TAOK3: variants seen among roughly 807,000 people sequenced by gnomAD.
TAOK3 encodes the protein TAO kinase 3.
TAOK3 carries 40 observed loss-of-function variants against 120.4 expected under a neutral mutation model. The ratio of observed to expected loss-of-function variants is 0.33; its 90% CI spans 0.26 to 0.43. The LOEUF is 0.43. Among genes scored for constraint, TAOK3 ranks in the 20% least tolerant of loss-of-function variants. TAOK3 has a pLI of 1.00. For synonymous variants in TAOK3, 355 were observed against 387.5 expected (o/e 0.92, Z 0.99); for missense variants, 821 against 1,112.1 (o/e 0.74, Z 3.72).
Position 118,201,385 on chromosome 12 carries a change from G to T in TAOK3, c.898C>A (p.Leu300Ile), listed in dbSNP as rs765680000. 6.2e-7 allele frequency: 1 copy of T among 1,614,094 alleles called. No individual in the cohort carries two copies. The highest frequency in any genetic ancestry group is 2.2e-5 in the East Asian group (1 of 44,870). Residue 300 changes from leucine to isoleucine, a missense_variant, in exon 12 of 21, where the codon CTA (leucine) becomes ATA (isoleucine). Around this residue, in one of 2 missense-constraint regions of TAOK3, gnomAD observed 467 missense variants for 540.0 expected, o/e 0.86. Coordinates refer to ENST00000392533, the MANE Select transcript of TAOK3 (RefSeq NM_016281.4). ...IQRTKDAVRE[L>I]DNLQYRKMKK... The stretch of plus-strand genomic sequence containing the variant: ...ATTTTTCGGTACTGTAGGTTATCTA[G>T]CTCACGAACTGCATCTTTTGTCCTC...
At chr12:118,245,613 T>G (rs894004992) in intron 3 of TAOK3, among the ~76,000 whole-genome samples, 1 of 152,180 alleles carries the variant, frequency 6.6e-6, no homozygotes, top group Admixed American at 6.6e-5. Context: ...CCACCGTGCC[T>G]GGCCTCATAT....
intron 13 of TAOK3, among the ~76,000 whole-genome samples, chr12:118,196,050 A>AAAATAAATAAATAAATAAAT (rs200676149): frequency 7.2e-6 from 1 of 138,140 alleles, no homozygotes; most frequent in Non-Finnish European, 1.5e-5. Flanking sequence ...ACTCCATCTC[A>AAAATAAATAAATAAATAAAT]AAATAAATAA....
At position 118,161,441 on chromosome 12, in the gene TAOK3, T is replaced by C. The variant is rs920379384; in HGVS notation, c.2139+347A>G. Among the ~76,000 whole-genome samples, 1 of 152,224 alleles carries C rather than the reference T, an allele frequency of 6.6e-6. No homozygotes were observed. Among genetic ancestry groups the C allele is most frequent in the Non-Finnish European group, 1.5e-5 (1 of 68,046 alleles). On this transcript the variant is annotated intron_variant, in intron 18 of 20. Coordinates refer to ENST00000392533, the MANE Select transcript of TAOK3 (RefSeq NM_016281.4). The surrounding 1 kb of genome is among the most constrained non-coding windows in gnomAD (Gnocchi z 4.5). ...TTTCTCAATACAGCAGTGCTCAAAG[T>C]ACCTAACACCAATAGAACTTCCTTA... is the stretch of plus-strand genomic sequence containing the variant.
intron 1 of TAOK3, among the ~76,000 whole-genome samples, chr12:118,299,807 G>A (rs2042812334): frequency 6.6e-6 from 1 of 152,118 alleles, no homozygotes; most frequent in Non-Finnish European, 1.5e-5. Context: ...ACCACGCCCA[G>A]CCACTAAAGG....
chr12:118,277,718 C>CA (rs1171092112), intron 1 of TAOK3, among the ~76,000 whole-genome samples: 1 of 152,050 alleles, frequency 6.6e-6, no homozygotes, highest in East Asian at 1.9e-4. Flanking sequence ...CCCGATCTCC[C>CA]AAAGTGCTGG....
At chr12:118,167,303 CTTT>C (rs2035663733) in intron 17 of TAOK3, among the ~76,000 whole-genome samples, 1 of 151,924 alleles carries the variant, frequency 6.6e-6, no homozygotes, top group South Asian at 2.1e-4. Flanking sequence ...GTATAAACTC[CTTT>C]AGAGAGCAAT....
Position 118,150,617 on chromosome 12 carries a change from T to G in TAOK3, c.*380A>C, listed in dbSNP as rs1323667516. On this transcript the variant is annotated 3_prime_UTR_variant, in exon 21 of 21. Transcript: ENST00000392533. ...TTATTATTATTATTTTTTGCTTTAC[T>G]TTCACAGATTGGTGGTAATGAGTGA... The G allele has an allele frequency of 1.3e-5, 2 of 159,390 alleles. No homozygotes were observed. The highest frequency in any genetic ancestry group is 2.4e-5 in the African/African-American group (1 of 41,744). The allele number at this position is 159,390 out of a possible 1,614,324, so 9.9% of individuals were successfully genotyped here. A position where few individuals can be genotyped will look rare whatever the true frequency, so the allele number is the denominator to read the frequency against.
chr12:118,182,629 T>A (rs1412844565), intron 14 of TAOK3, among the ~76,000 whole-genome samples: 18 of 126,176 alleles, frequency 1.4e-4, no homozygotes, highest in East Asian at 5.7e-4. Context: ...ATATATTTTT[T>A]TTTTTTTTTA....
intron 1 of TAOK3, among the ~76,000 whole-genome samples, chr12:118,267,299 TCTACCTC>T (rs1403202814): frequency 2.6e-5 from 4 of 151,826 alleles, no homozygotes; most frequent in Non-Finnish European, 4.4e-5. Flanking sequence ...CACTGCAACC[TCTACCTC>T]CCAGGTTCAA....
intron 9 of TAOK3, among the ~76,000 whole-genome samples, chr12:118,223,898 C>T (rs1356246387): frequency 1.3e-5 from 2 of 152,134 alleles, no homozygotes; most frequent in Non-Finnish European, 2.9e-5. Context: ...CTTTGGCCTC[C>T]CATAGTGCTG....
intron 9 of TAOK3, among the ~76,000 whole-genome samples, chr12:118,218,046 G>A (rs993560571): frequency 6.0e-5 from 9 of 150,456 alleles, no homozygotes; most frequent in Non-Finnish European, 1.3e-4. Flanking sequence ...ATTTTTAGTA[G>A]AGACGGGGTT....
intron 1 of TAOK3, among the ~76,000 whole-genome samples, chr12:118,298,101 GTTACCAA>G (rs2042748843): frequency 6.6e-6 from 1 of 152,098 alleles, no homozygotes; most frequent in Non-Finnish European, 1.5e-5. Context: ...TGAACAATTA[GTTACCAA>G]TTGGAGAAGA....
chr12:118,212,937 G>A lies in TAOK3; in HGVS notation c.796C>T (p.Pro266Ser). The change falls in exon 11 of 21, where the codon CCA (proline) becomes TCA (serine). Residue 266 changes from proline (P) to serine (S), a missense_variant. Around this residue, in one of 2 missense-constraint regions of TAOK3, gnomAD observed 467 missense variants for 540.0 expected, o/e 0.86. Transcript: ENST00000392533. ...ACCCTTAATAGTTCTGCTGATGTTG[G>A]CCTTTCCTGAGGTATTTTCTGCAAG... Reference protein sequence around the residue: ...YCLQKIPQERPTSAELLRHDF... With the variant: ...YCLQKIPQERSTSAELLRHDF... 1 of 1,612,444 alleles carries A rather than the reference G, an allele frequency of 6.2e-7. No homozygotes were observed.
intron 3 of TAOK3, among the ~76,000 whole-genome samples, chr12:118,250,074 T>A (rs1566013588): frequency 6.6e-6 from 1 of 152,268 alleles, no homozygotes; most frequent in East Asian, 1.9e-4. Flanking sequence ...TGTTTTCCTT[T>A]AGTACAGTTT....
intron 11 of TAOK3, among the ~76,000 whole-genome samples, chr12:118,208,538 G>A (rs1374359162): frequency 6.6e-6 from 1 of 151,940 alleles, no homozygotes; most frequent in African/African-American, 2.4e-5. Flanking sequence ...TAAAACTATA[G>A]TGAGAAAAGT....
chr12:118,343,031 G>C (rs2044691523), intron 1 of TAOK3, among the ~76,000 whole-genome samples: 1 of 150,544 alleles, frequency 6.6e-6, no homozygotes, highest in African/African-American at 2.5e-5. Context: ...TGTTTCTTAG[G>C]CTTAAAAAAA....
At chr12:118,275,518 T>A (rs1324770807) in intron 1 of TAOK3, among the ~76,000 whole-genome samples, 1 of 152,224 alleles carries the variant, frequency 6.6e-6, no homozygotes, top group East Asian at 1.9e-4. Flanking sequence ...TAATACACAA[T>A]AATTTGCTCT....
At chr12:118,151,527 C>A (rs2034440423) in intron 20 of TAOK3, among the ~76,000 whole-genome samples, 1 of 152,186 alleles carries the variant, frequency 6.6e-6, no homozygotes, top group Non-Finnish European at 1.5e-5. Context: ...GACACTCAAG[C>A]ACAATTGGAT....
chr12:118,212,807 C>T lies in TAOK3; in HGVS notation c.819+107G>A, dbSNP rs1045268458. On this transcript the variant is annotated intron_variant, in intron 11 of 20. Transcript: ENST00000392533. ...TCTCAGGATAAATGACAAGGCAGCA[C>T]GTCCTAAACCACTTTGTCATGATGA... 3.9e-5 allele frequency: 27 copies of T among 688,286 alleles called. 1 individual carries two copies. The highest frequency in any genetic ancestry group is 6.5e-5 in the South Asian group (3 of 46,414). The allele number at this position is 688,286 out of a possible 1,614,324, so 42.6% of individuals were successfully genotyped here.
Sources: allele counts gnomAD v4.1 joint callset (sites outside exome capture counted in the v4.1 genomes callset), GRCh38; gene constraint gnomAD v4.1.1; regional missense constraint gnomAD v4.1.1; non-coding constraint Gnocchi (gnomAD v3.1); transcripts MANE v1.5; gene names NCBI Gene and HGNC (gene_info 2026-07-23, HGNC 2026-07-21).